DNAH17: variants seen among roughly 807,000 people sequenced by gnomAD.
The protein encoded by DNAH17 is axonemal beta dynein heavy chain 17.
In DNAH17, 376 loss-of-function variants were observed where a neutral mutation model predicts 485.6. The ratio of observed to expected loss-of-function variants is 0.77; its 90% CI spans 0.71 to 0.84. The LOEUF is 0.84. DNAH17 is among the 40% of genes least tolerant of loss of function. The pLI is 0.00. For synonymous variants in DNAH17, 3,031 were observed against 2,405.9 expected (o/e 1.26, Z -7.60); for missense variants, 6,370 against 5,839.3 (o/e 1.09, Z -2.96).
In DNAH17 at chr17:78,485,536, C is replaced by G; in HGVS notation, c.7483+14G>C. The G allele has an allele frequency of 6.3e-7, 1 of 1,578,656 alleles. No individual in the cohort carries two copies. The highest frequency in any genetic ancestry group is 8.6e-7 in the Non-Finnish European group (1 of 1,163,778). On this transcript the variant is annotated intron_variant, in intron 47 of 80. Transcript: ENST00000389840. ...GGCAGCCGGGTAGGCAGGGCGTGGC[C>G]GGACCAGCCTCACCCTGCAGCATGG... is the stretch of plus-strand genomic sequence containing the variant.
rs150400549 is a variant in DNAH17 at position 78,521,765 on chromosome 17, T to C, written c.3864+3244A>G. ...ACTTTGGGAGGCCAAGGCGGGCGCA[T>C]TGCCTGAGCTTAGGAATTAGAGACC... On this transcript the variant is annotated intron_variant, in intron 25 of 80. Coordinates refer to ENST00000389840, the MANE Select transcript of DNAH17 (RefSeq NM_173628.4). 9.6e-4 allele frequency among the ~76,000 whole-genome samples: 146 copies of C among 152,272 alleles called. 1 individual carries two copies. The highest frequency in any genetic ancestry group is 3.4e-3 in the Middle Eastern group (1 of 294).
intron 8 of DNAH17, 59 bp downstream of exon 8, chr17:78,569,316 C>A (rs1321725794): frequency 3.9e-5 from 63 of 1,601,844 alleles, no homozygotes; most frequent in Non-Finnish European, 5.2e-5. Context: ...TATCAAATAT[C>A]GGGGCTCATA....
At chr17:78,546,695 CA>C (rs1157402595) in intron 16 of DNAH17, among the ~76,000 whole-genome samples, 1 of 152,136 alleles carries the variant, frequency 6.6e-6, no homozygotes, top group African/African-American at 2.4e-5. Context: ...CACCTGAGGC[CA>C]GGAATTTGAG....
chr17:78,500,011 C>T (rs749448259), intron 36 of DNAH17: 11 of 346,266 alleles, frequency 3.2e-5, no homozygotes, highest in East Asian at 6.8e-5. Context: ...CACCCCTGTG[C>T]GGAGTCCCCA....
chr17:78,541,742 C>T (rs543550037), intron 17 of DNAH17, among the ~76,000 whole-genome samples: 17 of 152,256 alleles, frequency 1.1e-4, no homozygotes, highest in Non-Finnish European at 4.4e-5. Flanking sequence ...TGCCCTCTTG[C>T]TATGCTCCTG....
chr17:78,569,130 A>T, intron 9 of DNAH17, 36 bp downstream of exon 9: 1 of 1,511,384 alleles, frequency 6.6e-7, no homozygotes, highest in African/African-American at 1.4e-5. Flanking sequence ...GCAGTCTGGG[A>T]AGTGGAGGTC....
intron 26 of DNAH17, chr17:78,510,759 G>GCCC (rs753751538): frequency 1.5e-4 from 49 of 316,790 alleles, no homozygotes; most frequent in Non-Finnish European, 2.4e-4. Flanking sequence ...CGGCCCCCCC[G>GCCC]CAAAATTCAC....
rs567919189 is a variant in DNAH17 at position 78,548,746 on chromosome 17, C to T, written c.2391+2789G>A. ...CAGGCCTGATGGACTGAGTTTGAGC[C>T]ATTTTCTTTTCCTATTGCTTGGTTT... is the stretch of plus-strand genomic sequence containing the variant. On this transcript the variant is annotated intron_variant, in intron 16 of 80. Coordinates refer to ENST00000389840, the MANE Select transcript of DNAH17 (RefSeq NM_173628.4). Among the ~76,000 whole-genome samples the T allele has an allele frequency of 2.4e-3, 360 of 152,328 alleles. 2 individuals are homozygous for T. The highest frequency in any genetic ancestry group is 8.2e-3 in the African/African-American group (339 of 41,570).
chr17:78,425,722 C>T (rs939566016), intron 79 of DNAH17, 151 bp from the exon 80 acceptor site: 1 of 556,540 alleles, frequency 1.8e-6, no homozygotes, highest in Non-Finnish European at 3.0e-6. Context: ...GCCATGGAGC[C>T]CAGCCACCTA....
intron 51 of DNAH17, among the ~76,000 whole-genome samples, chr17:78,478,186 TTATCACCATCA>T (rs2089160411): frequency 1.5e-5 from 2 of 132,514 alleles, no homozygotes; most frequent in South Asian, 5.1e-4. Flanking sequence ...ATCATCACCA[TTATCACCATCA>T]TATCACCACC....
intron 25 of DNAH17, among the ~76,000 whole-genome samples, chr17:78,520,025 C>T (rs1374153051): frequency 6.6e-6 from 1 of 152,004 alleles, no homozygotes; most frequent in African/African-American, 2.4e-5. Context: ...GTGGGAGAAT[C>T]GCTTGAACCC....
intron 22 of DNAH17, among the ~76,000 whole-genome samples, chr17:78,529,209 G>C (rs1480507736): frequency 1.3e-5 from 2 of 151,896 alleles, no homozygotes; most frequent in Non-Finnish European, 2.9e-5. Context: ...CAAAGTGCTG[G>C]GATTACAATG....
In DNAH17 at chr17:78,472,051, C is replaced by T. The variant is rs544835821; in HGVS notation, c.8512-3168G>A. On this transcript the variant is annotated intron_variant, in intron 54 of 80. Coordinates refer to ENST00000389840, the MANE Select transcript of DNAH17 (RefSeq NM_173628.4). The stretch of plus-strand genomic sequence containing the variant: ...CCCTATCATCACTGTCAGCCAAGGA[C>T]GGCAATCGTCACCTGTATCTAGGCC... 5.1e-4 allele frequency among the ~76,000 whole-genome samples: 78 copies of T among 152,260 alleles called. No homozygotes were observed. In the South Asian group the frequency reaches 8.7e-3, roughly 17 times the overall value.
rs185893635 is a variant in DNAH17 at position 78,550,164 on chromosome 17, C to T, written c.2391+1371G>A. On this transcript the variant is annotated intron_variant, in intron 16 of 80. Transcript: ENST00000389840. ...GAGCGACGTCATGCCCACTAGCTGG[C>T]GAGACAACGCCATCAACAGGCTAGA... Among the ~76,000 whole-genome samples, 42 of 152,322 alleles carry T rather than the reference C, an allele frequency of 2.8e-4. No homozygotes were observed. The East Asian group carries it at 7.7e-3, about 28-fold the overall frequency.
At chr17:78,500,090 T>G in intron 36 of DNAH17, 3 of 531,508 alleles carry the variant, frequency 5.6e-6, no homozygotes, top group East Asian at 3.4e-5. Context: ...GGGCAGGACA[T>G]TTGGGGCTGC....
chr17:78,533,955 G>C (rs2091306776), intron 19 of DNAH17, among the ~76,000 whole-genome samples: 1 of 152,264 alleles, frequency 6.6e-6, no homozygotes, highest in Non-Finnish European at 1.5e-5. Context: ...CAAAGTGTTG[G>C]GATTACAGGC....
rs371369990 is a variant in DNAH17 at position 78,570,960 on chromosome 17, G to A, written c.906C>T (p.Ala302=). Residue 302 remains alanine, a synonymous_variant, in exon 6 of 81, where the codon GCC becomes GCT. Transcript: ENST00000389840. ...CTTGCCTGCGCACCATCGTGAAGTC[G>A]GCTTGTTCCATCTCCTCCAGCAGGA... ...LRILLEEMEQ[A]DFTMLPTFIA... is the part of the protein sequence containing the mutation. 50 of 1,588,344 alleles carry A rather than the reference G, an allele frequency of 3.1e-5. No homozygotes were observed. The highest frequency in any genetic ancestry group is 2.0e-4 in the South Asian group (17 of 87,030).
intron 14 of DNAH17, 25 bp from the exon 15 acceptor site, chr17:78,552,830 T>TG (rs1295132479): frequency 6.5e-7 from 1 of 1,528,584 alleles, no homozygotes; most frequent in African/African-American, 1.4e-5. Flanking sequence ...TGACAGGTTT[T>TG]GTTCCGAGTC....
At chr17:78,531,452 C>T (rs1197810296) in intron 20 of DNAH17, among the ~76,000 whole-genome samples, 4 of 151,052 alleles carry the variant, frequency 2.6e-5, no homozygotes, top group Non-Finnish European at 5.9e-5. Flanking sequence ...CATTCTCTTG[C>T]CTCAGCCTCC....
Sources: gnomAD v4.1 joint callset for allele counts (sites outside exome capture counted in the v4.1 genomes callset) on GRCh38, gnomAD v4.1.1 for gene constraint, MANE v1.5 for transcripts, NCBI Gene and HGNC (gene_info 2026-07-23, HGNC 2026-07-21) for gene names.